TASP1: variants seen among roughly 807,000 people sequenced by gnomAD.
TASP1 encodes the protein taspase 1.
Under a neutral mutation model 56.6 loss-of-function variants are expected in TASP1, and 16 were observed. The observed-to-expected ratio is 0.28, with a 90% CI of 0.19 to 0.43. TASP1 has a LOEUF of 0.43. Among genes scored for constraint, TASP1 ranks in the 20% least tolerant of loss-of-function variants. TASP1 has a pLI of 1.00. For synonymous variants in TASP1, 179 were observed against 184.2 expected, an observed-to-expected ratio of 0.97 and a Z score of 0.23; for missense variants, 393 against 511.6, an observed-to-expected ratio of 0.77 and a Z score of 2.24.
At chr20:13,134,205 T>C in the TASP1 span, among the ~76,000 whole-genome samples, 4 of 152,212 alleles carry the variant, frequency 2.6e-5, no homozygotes, top group African/African-American at 9.6e-5. Flanking sequence ...AAGAAATGTG[T>C]TAAGTCTCAG....
At chr20:13,279,538 T>C in the TASP1 span, 11 of 1,235,844 alleles carry the variant, frequency 8.9e-6, no homozygotes, top group Middle Eastern at 2.2e-4. Flanking sequence ...GATGCATCCA[T>C]CATTTCCCTC....
the TASP1 span, among the ~76,000 whole-genome samples, chr20:13,172,285 T>C: frequency 6.6e-6 from 1 of 152,120 alleles, no homozygotes; most frequent in African/African-American, 2.4e-5. Flanking sequence ...CTTAAAATTG[T>C]TTTCAGCTAG....
Position 13,422,291 on chromosome 20 carries a change from T to C in TASP1, c.1097-4770A>G, listed in dbSNP as rs192066223. 2.8e-4 allele frequency among the ~76,000 whole-genome samples: 42 copies of C among 152,180 alleles called. No individual in the cohort carries two copies. In the East Asian group the frequency reaches 4.2e-3, roughly 15 times the overall value. On this transcript the variant is annotated intron_variant, in intron 12 of 13. Coordinates refer to ENST00000337743, the MANE Select transcript of TASP1 (RefSeq NM_017714.3). ...ATGCATAAACACTAGCCAAGAAGGG[T>C]TTAACGTTTTCCTGATGCTGGGTAA...
At chr20:13,182,587 A>G in the TASP1 span, among the ~76,000 whole-genome samples, 57,078 of 151,986 alleles carry the variant, frequency 0.38, 11,156 homozygotes, top group East Asian at 0.65. Context: ...CCAAGCTGCT[A>G]TATATTATGA....
At chr20:13,268,752 A>T in the TASP1 span, among the ~76,000 whole-genome samples, 1 of 152,106 alleles carries the variant, frequency 6.6e-6, no homozygotes, top group South Asian at 2.1e-4. Flanking sequence ...AAACAGATTT[A>T]TAAAAATCCA....
chr20:13,400,533 C>T (rs759356515), intron 13 of TASP1, among the ~76,000 whole-genome samples: 19 of 152,178 alleles, frequency 1.2e-4, no homozygotes, highest in Non-Finnish European at 1.0e-4. Flanking sequence ...TTTCCAAGTA[C>T]TCTGAGCATC....
chr20:13,212,511 A>G, the TASP1 span, among the ~76,000 whole-genome samples: 3 of 152,196 alleles, frequency 2.0e-5, no homozygotes, highest in Non-Finnish European at 4.4e-5. Flanking sequence ...ACAGAAACAC[A>G]CACACACACA....
At chr20:13,445,801 A>C (rs926312370) in intron 11 of TASP1, among the ~76,000 whole-genome samples, 7 of 152,176 alleles carry the variant, frequency 4.6e-5, no homozygotes, top group Non-Finnish European at 8.8e-5. Flanking sequence ...AAATAAAGCC[A>C]GATAGTGGCA....
chr20:13,485,428 T>TA (rs2043289482), intron 10 of TASP1, among the ~76,000 whole-genome samples: 1 of 151,950 alleles, frequency 6.6e-6, no homozygotes, highest in South Asian at 2.1e-4. Flanking sequence ...ACCTATTCAG[T>TA]AAAAAAATAA....
At chr20:13,323,086 G>C in the TASP1 span, among the ~76,000 whole-genome samples, 1 of 152,068 alleles carries the variant, frequency 6.6e-6, no homozygotes, top group South Asian at 2.1e-4. Context: ...GTGTCACAGC[G>C]TCTCGGAGGA....
At chr20:13,606,806 C>CAAAA (rs71334137) in intron 4 of TASP1, among the ~76,000 whole-genome samples, 4 of 75,222 alleles carry the variant, frequency 5.3e-5, no homozygotes, top group Non-Finnish European at 1.1e-4. Flanking sequence ...GACTCCGTCT[C>CAAAA]AAAAAAAAAA....
intron 11 of TASP1, 46 bp downstream of exon 11, chr20:13,483,181 A>C (rs1407206478): frequency 7.2e-7 from 1 of 1,394,478 alleles, no homozygotes. Context: ...ATAGAAGTGA[A>C]ATAATCCATA....
chr20:13,389,648 A>G lies in TASP1; in HGVS notation c.*712T>C, dbSNP rs1012064890. 1 of 152,718 alleles carries G rather than the reference A, an allele frequency of 6.5e-6. No individual in the cohort carries two copies. The highest frequency in any genetic ancestry group is 2.4e-5 in the African/African-American group (1 of 41,458). The allele number at this position is 152,718 out of a possible 1,614,324, so 9.5% of individuals were successfully genotyped here. A position where few individuals can be genotyped will look rare whatever the true frequency, so the allele number is the denominator to read the frequency against. ...TATTCTTTCATAATATAGTCCATAC[A>G]GCTCGAAGCTATGCAATATTTAAGC... is the stretch of plus-strand genomic sequence containing the variant. On this transcript the variant is annotated 3_prime_UTR_variant, in exon 14 of 14. Transcript: ENST00000337743.
chr20:13,260,386 A>G, the TASP1 span, among the ~76,000 whole-genome samples: 4 of 152,234 alleles, frequency 2.6e-5, no homozygotes, highest in Admixed American at 1.3e-4. Flanking sequence ...TTACCAAAAA[A>G]GCACCTGTCA....
At chr20:13,381,816 G>GTTT in the TASP1 span, among the ~76,000 whole-genome samples, 1 of 152,150 alleles carries the variant, frequency 6.6e-6, no homozygotes, top group Non-Finnish European at 1.5e-5. Context: ...GGTCTTCTTT[G>GTTT]TTTGCCCATC....
chr20:13,167,147 A>G, the TASP1 span: 1 of 152,312 alleles, frequency 6.6e-6, no homozygotes, highest in Non-Finnish European at 1.5e-5. Context: ...ATTAGAGTAT[A>G]TGTCATATAG....
At chr20:13,619,826 C>T (rs567832451) in intron 4 of TASP1, among the ~76,000 whole-genome samples, 27 of 152,218 alleles carry the variant, frequency 1.8e-4, no homozygotes, top group African/African-American at 6.3e-4. Context: ...AAGATAATCT[C>T]AAAAAAGCTA....
intron 11 of TASP1, among the ~76,000 whole-genome samples, chr20:13,450,984 G>A (rs2146291447): frequency 6.6e-6 from 1 of 152,182 alleles, no homozygotes; most frequent in South Asian, 2.1e-4. Flanking sequence ...AAGAGTTTCA[G>A]TATGGATATT....
At chr20:13,504,556 T>G (rs1438696395) in intron 10 of TASP1, among the ~76,000 whole-genome samples, 1 of 152,084 alleles carries the variant, frequency 6.6e-6, no homozygotes, top group Admixed American at 6.6e-5. Flanking sequence ...AAGGACATAG[T>G]CAAGTTTAGA....
Sources: allele counts gnomAD v4.1 joint callset (sites outside exome capture counted in the v4.1 genomes callset), GRCh38; gene constraint gnomAD v4.1.1; transcripts MANE v1.5; gene names NCBI Gene and HGNC (gene_info 2026-07-23, HGNC 2026-07-21).